The following DSCAM variants were observed in gnomAD, a reference collection of about 807,000 sequenced individuals.
The protein encoded by DSCAM is DS cell adhesion molecule.
A neutral mutation model predicts 217.7 loss-of-function variants in DSCAM; 47 were observed. The observed-to-expected ratio is 0.22, with a 90% CI of 0.17 to 0.28. The LOEUF (loss-of-function observed/expected upper bound fraction) is 0.28. Ranked by LOEUF, DSCAM falls within the 10% of genes least tolerant of loss-of-function variation. The pLI, the probability that DSCAM is intolerant of heterozygous loss-of-function variation, is 1.00. For missense variants in DSCAM, 2,080 were observed against 2,618.3 expected (o/e 0.79, Z 4.49); for synonymous variants, 1,056 against 1,015.3 (o/e 1.04, Z -0.76).
intron 3 of DSCAM, among the ~76,000 whole-genome samples, chr21:40,663,307 C>CA (rs957438716): frequency 6.6e-6 from 1 of 151,034 alleles, no homozygotes; most frequent in Admixed American, 6.6e-5. Context: ...TGTGTGTGGA[C>CA]ATGTATGTGT....
chr21:40,185,573 C>T (rs968483013), intron 14 of DSCAM, among the ~76,000 whole-genome samples: 2 of 152,212 alleles, frequency 1.3e-5, no homozygotes, highest in Admixed American at 6.5e-5. Context: ...ATAGCCAGTG[C>T]GCAGCCAGTG....
At chr21:40,499,849 C>T (rs576098011) in intron 3 of DSCAM, among the ~76,000 whole-genome samples, 38 of 152,198 alleles carry the variant, frequency 2.5e-4, no homozygotes, top group African/African-American at 6.3e-4. Flanking sequence ...GATGCGATCT[C>T]GGCTCACTGC....
intron 4 of DSCAM, among the ~76,000 whole-genome samples, chr21:40,362,021 T>C (rs545679460): frequency 6.6e-6 from 1 of 152,202 alleles, no homozygotes; most frequent in African/African-American, 2.4e-5. Flanking sequence ...GAACATGCGG[T>C]GTTTGGTTTT....
intron 32 of DSCAM, among the ~76,000 whole-genome samples, chr21:40,015,983 C>T (rs1425283955): frequency 6.6e-6 from 1 of 152,220 alleles, no homozygotes; most frequent in African/African-American, 2.4e-5. Flanking sequence ...GTGCAGTACA[C>T]TGGGATGAAC....
chr21:40,705,998 G>A (rs897519082), intron 2 of DSCAM, among the ~76,000 whole-genome samples: 1 of 152,022 alleles, frequency 6.6e-6, no homozygotes, highest in Non-Finnish European at 1.5e-5. Context: ...GGCTAACACG[G>A]TGAAACCCCA....
In DSCAM at chr21:40,447,333, G is replaced by T. The variant is rs140470171; in HGVS notation, c.509-78088C>A. 1.6e-3 allele frequency among the ~76,000 whole-genome samples: 244 copies of T among 152,284 alleles called. 1 individual carries two copies. Among genetic ancestry groups the T allele is most frequent in the Non-Finnish European group, 2.8e-3 (190 of 68,016 alleles). On this transcript the variant is annotated intron_variant, in intron 3 of 32. Transcript: ENST00000400454. ...CCATGACTCATTTTGGTTGTAAAAGGTCTAGGATAAGTAAAGACCACGAAC... is the reference window on the plus strand; with the variant it reads ...CCATGACTCATTTTGGTTGTAAAAGTTCTAGGATAAGTAAAGACCACGAAC...
intron 8 of DSCAM, among the ~76,000 whole-genome samples, chr21:40,314,879 T>G (rs1225877808): frequency 6.6e-6 from 1 of 152,198 alleles, no homozygotes; most frequent in Non-Finnish European, 1.5e-5. Flanking sequence ...CCTTGAGCTC[T>G]GAATGAGTTA....
At chr21:40,186,204 A>G (rs1013567149) in intron 14 of DSCAM, among the ~76,000 whole-genome samples, 22 of 151,950 alleles carry the variant, frequency 1.4e-4, no homozygotes, top group African/African-American at 5.1e-4. Flanking sequence ...TTGCTGAAAC[A>G]TTTCCTCACT....
chr21:40,188,601 T>C (rs918255170), intron 12 of DSCAM, among the ~76,000 whole-genome samples: 4 of 152,160 alleles, frequency 2.6e-5, no homozygotes, highest in African/African-American at 9.7e-5. Flanking sequence ...GCTTTTGTGA[T>C]CCTCTTTTAA....
intron 17 of DSCAM, 76 bp from the exon 18 acceptor site, chr21:40,142,780 T>C: frequency 6.7e-7 from 1 of 1,499,996 alleles, no homozygotes; most frequent in Non-Finnish European, 8.9e-7. Flanking sequence ...AAGCAACGTA[T>C]TTTAATATTT....
In DSCAM at chr21:40,248,427, C is replaced by T. The variant is rs528077042; in HGVS notation, c.2356+27670G>A. 3.9e-5 allele frequency among the ~76,000 whole-genome samples: 6 copies of T among 152,308 alleles called. No homozygotes were observed. The South Asian group carries it at 1.2e-3, about 32-fold the overall frequency. On this transcript the variant is annotated intron_variant, in intron 11 of 32. Transcript: ENST00000400454. The stretch of plus-strand genomic sequence containing the variant: ...TTAGAAATTTCTTCCACCAGATACC[C>T]TAAACCATCTTTCTCAAGTTCAAAG...
intron 3 of DSCAM, among the ~76,000 whole-genome samples, chr21:40,397,726 C>T (rs62223835): frequency 0.12 from 17,819 of 151,758 alleles, 1,307 homozygotes; most frequent in Admixed American, 0.25. Context: ...TTACTATTGG[C>T]GGTACTACTA....
At chr21:40,526,426 G>A (rs776776189) in intron 3 of DSCAM, among the ~76,000 whole-genome samples, 1 of 152,104 alleles carries the variant, frequency 6.6e-6, no homozygotes, top group Non-Finnish European at 1.5e-5. Flanking sequence ...GGGGGTGAAG[G>A]CTACTCAGAG....
At chr21:40,045,262 T>C (rs1244780359) in intron 30 of DSCAM, among the ~76,000 whole-genome samples, 1 of 152,248 alleles carries the variant, frequency 6.6e-6, no homozygotes, top group Non-Finnish European at 1.5e-5. Flanking sequence ...ATTCATTAAG[T>C]TGAAAGCTCC....
chr21:40,553,940 G>A (rs2076650223), intron 3 of DSCAM, among the ~76,000 whole-genome samples: 1 of 152,112 alleles, frequency 6.6e-6, no homozygotes, highest in Non-Finnish European at 1.5e-5. Context: ...GCAAAGCCAA[G>A]CGGAGGAGGA....
chr21:40,012,828 G>A lies in DSCAM; in HGVS notation c.*206C>T, dbSNP rs1601222755. The A allele has an allele frequency of 5.3e-6, 2 of 374,362 alleles. No homozygotes were observed. The highest frequency in any genetic ancestry group is 4.1e-5 in the East Asian group (1 of 24,298). The allele number at this position is 374,362 out of a possible 1,614,324, so 23.2% of individuals were successfully genotyped here. Reference sequence around the variant, plus strand: ...GGACTTCTTTCCCAAAAAATCAGATGCCCAGGCGGATGGAGCTCACACTCA... The same window carrying A: ...GGACTTCTTTCCCAAAAAATCAGATACCCAGGCGGATGGAGCTCACACTCA... On this transcript the variant is annotated 3_prime_UTR_variant, in exon 33 of 33. Coordinates refer to ENST00000400454, the MANE Select transcript of DSCAM (RefSeq NM_001389.5).
chr21:40,439,191 A>G (rs58560367), intron 3 of DSCAM, among the ~76,000 whole-genome samples: 2,640 of 152,300 alleles, frequency 0.017, 74 homozygotes, highest in African/African-American at 0.06. Context: ...ATTAAGGGAG[A>G]AACTAGACAC....
At chr21:40,600,134 G>A (rs777704184) in intron 3 of DSCAM, among the ~76,000 whole-genome samples, 22 of 152,148 alleles carry the variant, frequency 1.4e-4, no homozygotes, top group Non-Finnish European at 2.1e-4. Context: ...ACCAAAACCT[G>A]GCAGAGATAC....
intron 3 of DSCAM, among the ~76,000 whole-genome samples, chr21:40,519,245 T>C (rs1601710978): frequency 1.3e-5 from 2 of 152,174 alleles, no homozygotes; most frequent in African/African-American, 4.8e-5. Flanking sequence ...TAATACCCAG[T>C]TATTTCATCA....
Sources: allele counts gnomAD v4.1 joint callset (sites outside exome capture counted in the v4.1 genomes callset), GRCh38; gene constraint gnomAD v4.1.1; transcripts MANE v1.5; gene names NCBI Gene and HGNC (gene_info 2026-07-23, HGNC 2026-07-21).